CXCL16: variants seen among roughly 807,000 people sequenced by gnomAD.
CXCL16 encodes C-X-C motif chemokine ligand 16, also known as C-X-C motif chemokine 16.
A neutral mutation model predicts 23.8 loss-of-function variants in CXCL16; 18 were observed. The observed-to-expected ratio is 0.76, with a 90% CI of 0.52 to 1.12. The LOEUF is 1.12. Ranked by LOEUF, CXCL16 falls within the 50% of genes most tolerant of loss-of-function variation. CXCL16 has a pLI of 0.00. For missense variants in CXCL16, 297 were observed against 315.4 expected, an observed-to-expected ratio of 0.94 and a Z score of 0.44; for synonymous variants, 123 against 132.5, an observed-to-expected ratio of 0.93 and a Z score of 0.49.
chr17:4,739,555 C>T lies in CXCL16; in HGVS notation c.-216G>A. On this transcript the variant is annotated 5_prime_UTR_variant, in exon 1 of 6. Coordinates refer to ENST00000293778, the MANE Select transcript of CXCL16 (RefSeq NM_001386809.1). The surrounding 1 kb of genome is among the most constrained non-coding windows in gnomAD (Gnocchi z 5.3). ...GGCCCGCGCCATGCCAGCCTCTGGACGCAGGGAAAGCCGAGGAGGTGGAGC... is the reference window on the plus strand; with the variant it reads ...GGCCCGCGCCATGCCAGCCTCTGGATGCAGGGAAAGCCGAGGAGGTGGAGC... 1.4e-6 allele frequency: 1 copy of T among 726,068 alleles called. No homozygotes were observed. Among genetic ancestry groups the T allele is most frequent in the Non-Finnish European group, 2.1e-6 (1 of 470,192 alleles). The allele number at this position is 726,068 out of a possible 1,614,324, so 45.0% of individuals were successfully genotyped here.
chr17:4,738,862 G>A lies in CXCL16; in HGVS notation c.138C>T (p.Ser46=), dbSNP rs1916247632. Reference sequence around the variant, plus strand: ...TGAACTGAACCGATGGCGGGGAGTCGGAAGAAATTCTTTTACCACAATAAC... The same window carrying A: ...TGAACTGAACCGATGGCGGGGAGTCAGAAGAAATTCTTTTACCACAATAAC... ...GSCYCGKRIS[S]DSPPSVQFMN... Residue 46 remains serine, a synonymous_variant, in exon 2 of 6, where the codon TCC becomes TCT. Coordinates refer to ENST00000293778, the MANE Select transcript of CXCL16 (RefSeq NM_001386809.1). This position sits in a 1 kb window ranked among gnomAD's most constrained non-coding sequence, Gnocchi z 4.0. 1.2e-6 allele frequency: 2 copies of A among 1,613,996 alleles called. No homozygotes were observed. Among genetic ancestry groups the A allele is most frequent in the Admixed American group, 1.7e-5 (1 of 60,008 alleles).
rs752370 is a variant in CXCL16, at chr17:4,739,519, G to T, written c.-180C>A. 175,657 of 906,240 alleles carry T rather than the reference G, an allele frequency of 0.19. 18,844 individuals are homozygous for T. Among genetic ancestry groups the T allele is most frequent in the Non-Finnish European group, 0.23 (139,215 of 607,138 alleles). 56.1% of individuals were successfully genotyped at this position (906,240 alleles called of 1,614,324 possible). A position where few individuals can be genotyped will look rare whatever the true frequency, so the allele number is the denominator to read the frequency against. On this transcript the variant is annotated 5_prime_UTR_variant, in exon 1 of 6. Coordinates refer to ENST00000293778, the MANE Select transcript of CXCL16 (RefSeq NM_001386809.1). The surrounding 1 kb of genome is among the most constrained non-coding windows in gnomAD (Gnocchi z 5.3). ...CGGCCCTGCTGTGCCCCGACCGTGCGCTCAGTACTCGGCCCGCGCCATGCC... is the reference window on the plus strand; with the variant it reads ...CGGCCCTGCTGTGCCCCGACCGTGCTCTCAGTACTCGGCCCGCGCCATGCC...
chr17:4,734,973 G>A (rs761557951), intron 4 of CXCL16, 119 bp downstream of exon 4: 64 of 994,310 alleles, frequency 6.4e-5, no homozygotes, highest in Non-Finnish European at 8.9e-5. Context: ...ACCTTGTGCA[G>A]ACAACCTTGA....
At position 4,738,933 on chromosome 17, in the gene CXCL16, G is replaced by A. The variant is rs1916251092; in HGVS notation, c.80-13C>T. On this transcript the variant is annotated splice_polypyrimidine_tract_variant and intron_variant, in intron 1 of 5. Transcript: ENST00000293778. This position sits in a 1 kb window ranked among gnomAD's most constrained non-coding sequence, Gnocchi z 4.0. ...TCGTTGCCATTGCCTGCGCGGGACGGAGGTGGTCGGCACCCATTCCCAGGC... is the reference window on the plus strand; with the variant it reads ...TCGTTGCCATTGCCTGCGCGGGACGAAGGTGGTCGGCACCCATTCCCAGGC... 6.2e-7 allele frequency: 1 copy of A among 1,612,446 alleles called. No homozygotes were observed. Among genetic ancestry groups the A allele is most frequent in the Non-Finnish European group, 8.5e-7 (1 of 1,179,202 alleles).
At chr17:4,737,692 T>C (rs968784754) in intron 3 of CXCL16, among the ~76,000 whole-genome samples, 1 of 150,154 alleles carries the variant, frequency 6.7e-6, no homozygotes, top group Non-Finnish European at 1.5e-5. Context: ...TGCTGTAAAA[T>C]TGATAGTGTA....
intron 3 of CXCL16, among the ~76,000 whole-genome samples, chr17:4,737,575 T>TAAAAA (rs55694753): frequency 2.0e-3 from 85 of 41,866 alleles, no homozygotes; most frequent in African/African-American, 3.2e-3. Flanking sequence ...AAGACTCCAT[T>TAAAAA]AAAAAAAAAA....
intron 4 of CXCL16, 152 bp downstream of exon 4, chr17:4,734,940 T>C (rs1916105592): frequency 2.6e-6 from 2 of 757,318 alleles, no homozygotes; most frequent in South Asian, 1.8e-5. Context: ...CCCGACTGAC[T>C]GTCCTCAGAG....
Position 4,738,129 on chromosome 17 carries a change from C to CA in CXCL16, c.301+278dup, listed in dbSNP as rs993278141. On this transcript the variant is annotated intron_variant, in intron 3 of 5. Coordinates refer to ENST00000293778, the MANE Select transcript of CXCL16 (RefSeq NM_001386809.1). This position sits in a 1 kb window ranked among gnomAD's most constrained non-coding sequence, Gnocchi z 4.0. ...TGGGTGACAGAGTGAGACTCCATCT[C>CA]AAAAAAATAAAATAAAATAGTACTT... Among the ~76,000 whole-genome samples the CA allele has an allele frequency of 6.6e-6, 1 of 151,504 alleles. No homozygotes were observed. Among genetic ancestry groups the CA allele is most frequent in the African/African-American group, 2.4e-5 (1 of 41,216 alleles).
rs921878512 is a variant in CXCL16 at position 4,739,152 on chromosome 17, G to A, written c.79+109C>T. The A allele has an allele frequency of 7.1e-7, 1 of 1,409,234 alleles. No individual in the cohort carries two copies. Among genetic ancestry groups the A allele is most frequent in the Non-Finnish European group, 9.6e-7 (1 of 1,037,078 alleles). 87.3% of individuals were successfully genotyped at this position (1,409,234 alleles called of 1,614,324 possible). On this transcript the variant is annotated intron_variant, in intron 1 of 5. Coordinates refer to ENST00000293778, the MANE Select transcript of CXCL16 (RefSeq NM_001386809.1). This position sits in a 1 kb window ranked among gnomAD's most constrained non-coding sequence, Gnocchi z 5.3. ...CAGGCGGCTGGCTGGCTTTCCTCTT[G>A]TCCCCGCTGCCTTCATCCACTCAAC...
At chr17:4,736,497 G>T (rs984918397) in intron 3 of CXCL16, 5 of 152,186 alleles carry the variant, frequency 3.3e-5, no homozygotes, top group South Asian at 2.1e-4. Context: ...ACCAGGGTTG[G>T]ATTCCAAGCT....
In CXCL16 at chr17:4,739,141, G is replaced by T. The variant is rs1303739380; in HGVS notation, c.79+120C>A. ...GTCCCCAACCCCAGGCGGCTGGCTG[G>T]CTTTCCTCTTGTCCCCGCTGCCTTC... On this transcript the variant is annotated intron_variant, in intron 1 of 5. Transcript: ENST00000293778. The surrounding 1 kb of genome is among the most constrained non-coding windows in gnomAD (Gnocchi z 5.3). 1.5e-6 allele frequency: 2 copies of T among 1,369,070 alleles called. No individual in the cohort carries two copies. The highest frequency in any genetic ancestry group is 2.0e-6 in the Non-Finnish European group (2 of 1,004,864). The allele number at this position is 1,369,070 out of a possible 1,614,324, so 84.8% of individuals were successfully genotyped here. A position where few individuals can be genotyped will look rare whatever the true frequency, so the allele number is the denominator to read the frequency against.
rs940742897 is a variant in CXCL16, at chr17:4,739,322, C to T, written c.18G>A (p.Arg6=). The T allele has an allele frequency of 6.2e-7, 1 of 1,612,962 alleles. No individual in the cohort carries two copies. Among genetic ancestry groups the T allele is most frequent in the Non-Finnish European group, 8.5e-7 (1 of 1,179,610 alleles). The change falls in exon 1 of 6, where the codon CGG becomes CGA. Residue 6 remains arginine, a synonymous_variant. Coordinates refer to ENST00000293778, the MANE Select transcript of CXCL16 (RefSeq NM_001386809.1). This position sits in a 1 kb window ranked among gnomAD's most constrained non-coding sequence, Gnocchi z 5.3. MGRDL[R]PGSRVLLLLL... is the part of the protein sequence containing the mutation. ...GGAGCAGGAGCACGCGGGACCCGGG[C>T]CGCAAGTCCCGTCCCATCTCGGGGC...
In CXCL16 at chr17:4,735,342, T is replaced by A. The variant is rs1916123998; in HGVS notation, c.468A>T (p.Gly156=). 6.2e-7 allele frequency: 1 copy of A among 1,608,852 alleles called. No individual in the cohort carries two copies. The change falls in exon 4 of 6, where the codon GGA becomes GGT. Residue 156 remains glycine (G), a synonymous_variant. Coordinates refer to ENST00000293778, the MANE Select transcript of CXCL16 (RefSeq NM_001386809.1). ...TGAGCTCTTTGTCCGAGGACAGTGATCCTACTGGGAGGGTGGGGCGCTGAG... is the reference window on the plus strand; with the variant it reads ...TGAGCTCTTTGTCCGAGGACAGTGAACCTACTGGGAGGGTGGGGCGCTGAG... The part of the protein sequence containing the change: ...QSTQRPTLPV[G]SLSSDKELTR...
chr17:4,739,822 C>A lies in CXCL16; in HGVS notation c.-483G>T. On this transcript the variant is annotated 5_prime_UTR_variant, in exon 1 of 6. Transcript: ENST00000293778. This position sits in a 1 kb window ranked among gnomAD's most constrained non-coding sequence, Gnocchi z 5.3. ...CACTTTCACTTCCCCGATCCGGGCGCCGCGGGACCCAGCCGCGCTGCATGA... is the reference window on the plus strand; with the variant it reads ...CACTTTCACTTCCCCGATCCGGGCGACGCGGGACCCAGCCGCGCTGCATGA... The A allele has an allele frequency of 1.0e-6, 1 of 992,852 alleles. No homozygotes were observed. Among genetic ancestry groups the A allele is most frequent in the Non-Finnish European group, 1.2e-6 (1 of 834,506 alleles). 61.5% of individuals were successfully genotyped at this position (992,852 alleles called of 1,614,324 possible). A position where few individuals can be genotyped will look rare whatever the true frequency, so the allele number is the denominator to read the frequency against.
chr17:4,735,036 A>C, intron 4 of CXCL16, 56 bp downstream of exon 4: 4 of 1,518,452 alleles, frequency 2.6e-6, no homozygotes, highest in Non-Finnish European at 3.6e-6. Context: ...CTGGGTCAGG[A>C]TGCCTGTCAG....
chr17:4,735,479 C>T lies in CXCL16; in HGVS notation c.331G>A (p.Ala111Thr). ...ECGHAYSGIV[A>T]HQKHLLPTSP... Reference sequence around the variant, plus strand: ...GTAGGAAGTAAATGCTTCTGGTGGGCCACAATCCCCGAGTAAGCATGTCCA... The same window carrying T: ...GTAGGAAGTAAATGCTTCTGGTGGGTCACAATCCCCGAGTAAGCATGTCCA... Residue 111 changes from alanine (A) to threonine (T), a missense_variant, in exon 4 of 6, where the codon GCC (alanine) becomes ACC (threonine). By Grantham distance (58) the Ala-to-Thr change is moderately conservative. Coordinates refer to ENST00000293778, the MANE Select transcript of CXCL16 (RefSeq NM_001386809.1). 1.3e-6 allele frequency: 2 copies of T among 1,504,444 alleles called. No individual in the cohort carries two copies. The highest frequency in any genetic ancestry group is 2.7e-5 in the South Asian group (2 of 73,670). 93.2% of individuals were successfully genotyped at this position (1,504,444 alleles called of 1,614,324 possible).
In CXCL16 at chr17:4,734,440, C is replaced by T. The variant is rs75565221; in HGVS notation, c.*63G>A. 2.2e-3 allele frequency: 1,185 copies of T among 544,372 alleles called. 16 individuals are homozygous for T. Among genetic ancestry groups the T allele is most frequent in the African/African-American group, 0.02 (1,057 of 53,164 alleles). 33.7% of individuals were successfully genotyped at this position (544,372 alleles called of 1,614,324 possible). A position where few individuals can be genotyped will look rare whatever the true frequency, so the allele number is the denominator to read the frequency against. ...GCCAAGGTGGGAGGATCACTTGACTCAGGAGTTCCATAACAGCCTGGGCAA... is the reference window on the plus strand; with the variant it reads ...GCCAAGGTGGGAGGATCACTTGACTTAGGAGTTCCATAACAGCCTGGGCAA... On this transcript the variant is annotated 3_prime_UTR_variant, in exon 6 of 6. Coordinates refer to ENST00000293778, the MANE Select transcript of CXCL16 (RefSeq NM_001386809.1).
Position 4,735,319 on chromosome 17 carries a change from A to G in CXCL16, c.491T>C (p.Leu164Pro). The part of the protein sequence containing the change: ...PVGSLSSDKE[L>P]TRPNETTIHT... The stretch of plus-strand genomic sequence containing the variant: ...AATGGTGGTTTCATTGGGACGAGTG[A>G]GCTCTTTGTCCGAGGACAGTGATCC... The change falls in exon 4 of 6, where the codon CTC becomes CCC. Residue 164 changes from leucine to proline, a missense_variant. Transcript: ENST00000293778. The G allele has an allele frequency of 6.2e-7, 1 of 1,613,268 alleles. No individual in the cohort carries two copies. Among genetic ancestry groups the G allele is most frequent in the Non-Finnish European group, 8.5e-7 (1 of 1,179,416 alleles).
rs754924162 is a variant in CXCL16 at position 4,735,453 on chromosome 17, G to A, written c.357C>T (p.Thr119=). The A allele has an allele frequency of 6.6e-7, 1 of 1,512,562 alleles. No homozygotes were observed. Among genetic ancestry groups the A allele is most frequent in the Admixed American group, 2.2e-5 (1 of 45,424 alleles). The allele number at this position is 1,512,562 out of a possible 1,614,324, so 93.7% of individuals were successfully genotyped here. The change falls in exon 4 of 6, where the codon ACC becomes ACT. Residue 119 remains threonine, a synonymous_variant. Transcript: ENST00000293778. ...IVAHQKHLLP[T]SPPISQASEG... is the part of the protein sequence containing the mutation. ...CTGAGGCCTGAGAAATTGGGGGGCT[G>A]GTAGGAAGTAAATGCTTCTGGTGGG...
Sources: allele counts gnomAD v4.1 joint callset (sites outside exome capture counted in the v4.1 genomes callset), GRCh38; gene constraint gnomAD v4.1.1; non-coding constraint Gnocchi (gnomAD v3.1); transcripts MANE v1.5; gene names NCBI Gene and HGNC (gene_info 2026-07-23, HGNC 2026-07-21).